The following ARHGAP31 variants were observed in gnomAD, a reference collection of about 807,000 sequenced individuals.
The protein encoded by ARHGAP31 is Rho GTPase activating protein 31.
In ARHGAP31, 34 loss-of-function variants were observed where a neutral mutation model predicts 113.9. The ratio of observed to expected loss-of-function variants is 0.30; its 90% CI spans 0.23 to 0.40. The LOEUF is 0.40. Ranked by LOEUF, ARHGAP31 falls within the 10% of genes least tolerant of loss-of-function variation. The pLI is 1.00. For missense variants in ARHGAP31, 1,548 were observed against 1,767.1 expected (o/e 0.88, Z 2.22); for synonymous variants, 650 against 684.8 (o/e 0.95, Z 0.79).
At chr3:119,337,090 T>C (rs1020354988) in intron 1 of ARHGAP31, among the ~76,000 whole-genome samples, 21 of 152,218 alleles carry the variant, frequency 1.4e-4, no homozygotes, top group African/African-American at 4.6e-4. Flanking sequence ...TTTTGGCTGT[T>C]GTGAATAATG....
intron 1 of ARHGAP31, among the ~76,000 whole-genome samples, chr3:119,324,650 C>T (rs542537421): frequency 3.0e-4 from 45 of 152,264 alleles, no homozygotes; most frequent in Middle Eastern, 3.4e-3. Context: ...ACATAAACAA[C>T]AAAAACCCTT....
At chr3:119,332,669 A>G (rs971507538) in intron 1 of ARHGAP31, among the ~76,000 whole-genome samples, 1 of 147,096 alleles carries the variant, frequency 6.8e-6, no homozygotes, top group African/African-American at 2.6e-5. Flanking sequence ...ACACACACAC[A>G]CACACACGCA....
intron 1 of ARHGAP31, among the ~76,000 whole-genome samples, chr3:119,303,961 AT>A (rs1310110434): frequency 6.6e-6 from 1 of 151,744 alleles, no homozygotes; most frequent in East Asian, 1.9e-4. Flanking sequence ...TGCCTGGCTA[AT>A]TTTTCATATT....
intron 1 of ARHGAP31, among the ~76,000 whole-genome samples, chr3:119,304,602 C>T (rs1043532819): frequency 6.6e-6 from 1 of 152,144 alleles, no homozygotes; most frequent in African/African-American, 2.4e-5. Context: ...GTGACAGAAG[C>T]CTGCCTTCAG....
At chr3:119,354,140 C>T (rs1329991492) in intron 1 of ARHGAP31, among the ~76,000 whole-genome samples, 2 of 152,224 alleles carry the variant, frequency 1.3e-5, no homozygotes, top group Non-Finnish European at 2.9e-5. Context: ...GGCTGCCTTG[C>T]TCAGCAGGAT....
At chr3:119,347,035 G>C (rs961898142) in intron 1 of ARHGAP31, among the ~76,000 whole-genome samples, 17 of 152,164 alleles carry the variant, frequency 1.1e-4, no homozygotes, top group African/African-American at 4.1e-4. Context: ...TTGCTGGGAA[G>C]GAGAAAATAA....
chr3:119,393,072 A>G (rs2080519293), intron 7 of ARHGAP31, among the ~76,000 whole-genome samples: 1 of 152,176 alleles, frequency 6.6e-6, no homozygotes, highest in Admixed American at 6.5e-5. Context: ...TGAGACCCCC[A>G]TCTCTATAAA....
chr3:119,341,556 C>T (rs1264205870), intron 1 of ARHGAP31, among the ~76,000 whole-genome samples: 1 of 152,098 alleles, frequency 6.6e-6, no homozygotes, highest in Non-Finnish European at 1.5e-5. Context: ...CCAAAATTAG[C>T]GTTATGAACC....
At chr3:119,318,882 C>G (rs1267892553) in intron 1 of ARHGAP31, among the ~76,000 whole-genome samples, 1 of 152,044 alleles carries the variant, frequency 6.6e-6, no homozygotes, top group Non-Finnish European at 1.5e-5. Flanking sequence ...AAGCTACATT[C>G]CAGTATTAGA....
chr3:119,298,930 G>A (rs1257953149), intron 1 of ARHGAP31: 2 of 234,392 alleles, frequency 8.5e-6, no homozygotes, highest in Non-Finnish European at 8.8e-6. Context: ...AATTGATCTC[G>A]TGAAGCCTGC....
At chr3:119,337,715 C>T (rs922183214) in intron 1 of ARHGAP31, among the ~76,000 whole-genome samples, 1 of 152,174 alleles carries the variant, frequency 6.6e-6, no homozygotes, top group Non-Finnish European at 1.5e-5. Flanking sequence ...AGACACAGAG[C>T]ACTGACTGGT....
At chr3:119,406,380 C>T (rs1357419542) in intron 10 of ARHGAP31, among the ~76,000 whole-genome samples, 4 of 152,192 alleles carry the variant, frequency 2.6e-5, no homozygotes, top group Admixed American at 1.3e-4. Flanking sequence ...TTTACCCTTT[C>T]ACCCAAAAGT....
At chr3:119,395,641 G>A (rs1577027886) in intron 8 of ARHGAP31, among the ~76,000 whole-genome samples, 2 of 152,118 alleles carry the variant, frequency 1.3e-5, no homozygotes, top group East Asian at 1.9e-4. Context: ...CCCTTGTCTC[G>A]GTATCCTTCA....
rs181327838 is a variant in ARHGAP31, at chr3:119,336,328, C to A, written c.101-28988C>A. ...AATTCTTAAAATTTCTTGTAAGTCCCAAATTAGACTTTTCTCTACATATAA... is the reference window on the plus strand; with the variant it reads ...AATTCTTAAAATTTCTTGTAAGTCCAAAATTAGACTTTTCTCTACATATAA... On this transcript the variant is annotated intron_variant, in intron 1 of 11. Transcript: ENST00000264245. Among the ~76,000 whole-genome samples the A allele has an allele frequency of 2.0e-5, 3 of 152,202 alleles. No individual in the cohort carries two copies. In the East Asian group the frequency reaches 5.8e-4, roughly 29 times the overall value.
At chr3:119,404,176 A>C (rs1464039574) in intron 10 of ARHGAP31, among the ~76,000 whole-genome samples, 5 of 152,142 alleles carry the variant, frequency 3.3e-5, no homozygotes, top group Admixed American at 3.3e-4. Context: ...TGAGGAAAAC[A>C]GTGTTTCCAA....
chr3:119,363,215 G>A (rs1477331675), intron 1 of ARHGAP31, among the ~76,000 whole-genome samples: 3 of 152,144 alleles, frequency 2.0e-5, no homozygotes, highest in Non-Finnish European at 4.4e-5. Context: ...TTGAGAGAGA[G>A]AGAGATAGAG....
chr3:119,302,844 T>C (rs1442187678), intron 1 of ARHGAP31, among the ~76,000 whole-genome samples: 1 of 152,224 alleles, frequency 6.6e-6, no homozygotes, highest in East Asian at 1.9e-4. Context: ...CTTTGCTTTG[T>C]TTTTCCCACA....
intron 1 of ARHGAP31, among the ~76,000 whole-genome samples, chr3:119,327,301 G>A (rs1237665736): frequency 6.6e-6 from 1 of 152,182 alleles, no homozygotes; most frequent in African/African-American, 2.4e-5. Context: ...CCAGCACTCT[G>A]GGAGGTTGAG....
At chr3:119,370,010 A>G (rs1248160389) in intron 3 of ARHGAP31, among the ~76,000 whole-genome samples, 1 of 152,200 alleles carries the variant, frequency 6.6e-6, no homozygotes, top group Non-Finnish European at 1.5e-5. Flanking sequence ...AAATGGGCAT[A>G]AATGTTGACC....
Sources: allele counts gnomAD v4.1 joint callset (sites outside exome capture counted in the v4.1 genomes callset), GRCh38; gene constraint gnomAD v4.1.1; transcripts MANE v1.5; gene names NCBI Gene and HGNC (gene_info 2026-07-23, HGNC 2026-07-21).